ARID1B: variants seen among roughly 807,000 people sequenced by gnomAD.
ARID1B encodes AT-rich interaction domain 1B.
Under a neutral mutation model 212.3 loss-of-function variants are expected in ARID1B, and 30 were observed. The observed-to-expected ratio is 0.14, with a 90% CI of 0.11 to 0.19. ARID1B has a LOEUF of 0.19. Among genes scored for constraint, ARID1B ranks in the 10% least tolerant of loss-of-function variants. The pLI, the probability that ARID1B is intolerant of heterozygous loss-of-function variation, is 1.00. For synonymous variants in ARID1B, 1,402 were observed against 1,301.7 expected, an observed-to-expected ratio of 1.08 and a Z score of -1.66; for missense variants, 2,891 against 3,204.0, an observed-to-expected ratio of 0.90 and a Z score of 2.36.
intron 4 of ARID1B, among the ~76,000 whole-genome samples, chr6:156,944,925 C>CTTT (rs543626936): frequency 7.4e-6 from 1 of 135,372 alleles, no homozygotes; most frequent in African/African-American, 2.8e-5. Context: ...TTTTCTTTTC[C>CTTT]TTTTTTTTTT....
At chr6:157,100,633 A>G (rs1785992335) in intron 5 of ARID1B, among the ~76,000 whole-genome samples, 1 of 152,194 alleles carries the variant, frequency 6.6e-6, no homozygotes, top group South Asian at 2.1e-4. Context: ...TCAAAAATGT[A>G]TTTTTCATTT....
At chr6:156,830,698 T>C (rs1186674938) in intron 2 of ARID1B, among the ~76,000 whole-genome samples, 1 of 151,792 alleles carries the variant, frequency 6.6e-6, no homozygotes, top group Non-Finnish European at 1.5e-5. Context: ...GAGGCTGAAG[T>C]GGGAGGATCG....
At chr6:157,060,696 C>G (rs1456598761) in intron 4 of ARID1B, among the ~76,000 whole-genome samples, 1 of 140,188 alleles carries the variant, frequency 7.1e-6, no homozygotes, top group African/African-American at 2.7e-5. Context: ...AGAGCCCGAC[C>G]ATGCTGTCTT....
At chr6:156,984,178 T>G (rs532495804) in intron 4 of ARID1B, among the ~76,000 whole-genome samples, 2 of 152,206 alleles carry the variant, frequency 1.3e-5, no homozygotes, top group African/African-American at 4.8e-5. Context: ...AGGACAAACC[T>G]TGGAGATGGG....
At chr6:156,780,880 A>G (rs1779210004) in intron 1 of ARID1B, among the ~76,000 whole-genome samples, 1 of 152,236 alleles carries the variant, frequency 6.6e-6, no homozygotes, top group African/African-American at 2.4e-5. Context: ...GTAAACCACG[A>G]ATTTTACCAA....
At chr6:157,073,925 C>T (rs1260229535) in intron 4 of ARID1B, among the ~76,000 whole-genome samples, 4 of 152,196 alleles carry the variant, frequency 2.6e-5, no homozygotes, top group African/African-American at 7.2e-5. Context: ...CCACATGCTA[C>T]ACACACAAGT....
At chr6:156,996,537 C>T (rs1778602169) in intron 4 of ARID1B, among the ~76,000 whole-genome samples, 3 of 152,198 alleles carry the variant, frequency 2.0e-5, no homozygotes, top group East Asian at 3.9e-4. Context: ...TATATACCCT[C>T]AATGCATTGT....
At chr6:157,177,535 T>C (rs1562325766) in intron 11 of ARID1B, among the ~76,000 whole-genome samples, 3 of 152,192 alleles carry the variant, frequency 2.0e-5, no homozygotes, top group Non-Finnish European at 2.9e-5. Flanking sequence ...TGGACCAACA[T>C]TGTTTTGTTA....
intron 4 of ARID1B, among the ~76,000 whole-genome samples, chr6:157,082,013 C>T (rs1398163240): frequency 6.6e-6 from 1 of 151,980 alleles, no homozygotes; most frequent in Non-Finnish European, 1.5e-5. Context: ...TGGTCATTGC[C>T]GTGTGGTGGG....
At chr6:156,949,771 A>G (rs1485646525) in intron 4 of ARID1B, among the ~76,000 whole-genome samples, 2 of 152,224 alleles carry the variant, frequency 1.3e-5, no homozygotes. Context: ...TACCCTGCAC[A>G]GAAGAACATA....
At chr6:157,012,693 C>T (rs180872076) in intron 4 of ARID1B, among the ~76,000 whole-genome samples, 2 of 152,332 alleles carry the variant, frequency 1.3e-5, no homozygotes, top group Admixed American at 1.3e-4. Flanking sequence ...GTCATTTATC[C>T]TATTTGGCTT....
chr6:157,088,159 T>C (rs1785066708), intron 5 of ARID1B, among the ~76,000 whole-genome samples: 1 of 152,216 alleles, frequency 6.6e-6, no homozygotes, highest in African/African-American at 2.4e-5. Flanking sequence ...CAGGTGCTCA[T>C]TGCACAGGGT....
chr6:156,935,382 G>C, intron 3 of ARID1B, 84 bp from the exon 4 acceptor site: 3 of 1,219,720 alleles, frequency 2.5e-6, no homozygotes, highest in Middle Eastern at 2.0e-4. Flanking sequence ...GCCCAGCCAA[G>C]CTTTTGTTTA....
At chr6:157,164,537 A>T (rs1791186173) in intron 8 of ARID1B, 1 of 152,208 alleles carries the variant, frequency 6.6e-6, no homozygotes, top group South Asian at 2.1e-4. Flanking sequence ...ACGGAATTTA[A>T]TGGAAGCTTG....
In ARID1B at chr6:157,201,487, C is replaced by G. The variant is rs550054527; in HGVS notation, c.5262C>G (p.Ile1754Met). The G allele has an allele frequency of 2.0e-6, 3 of 1,492,118 alleles. No homozygotes were observed. Among genetic ancestry groups the G allele is most frequent in the South Asian group, 1.4e-5 (1 of 70,794 alleles). 92.4% of individuals were successfully genotyped at this position (1,492,118 alleles called of 1,614,324 possible). A position where few individuals can be genotyped will look rare whatever the true frequency, so the allele number is the denominator to read the frequency against. Residue 1754 changes from isoleucine (I) to methionine (M), a missense_variant and splice_region_variant, in exon 18 of 20, where the codon ATC becomes ATG. Ile to Met is a conservative substitution (Grantham distance 10). This residue lies in a region of ARID1B where 666 missense variants were observed against 873.5 expected (regional missense o/e 0.76). Transcript: ENST00000636930. The surrounding 1 kb of genome is among the most constrained non-coding windows in gnomAD (Gnocchi z 5.2). ...KQRRKITSKDIVTPEAWRVMM... is the reference protein window; with the variant it reads ...KQRRKITSKDMVTPEAWRVMM... ...GGCGAAAGATTACCTCCAAAGATAT[C>G]GGTAAGAATTCCAAAGCTTTCATTC...
At chr6:156,838,709 T>TATAATAATAATAATAATA (rs35310749) in intron 2 of ARID1B, among the ~76,000 whole-genome samples, 5,157 of 145,752 alleles carry the variant, frequency 0.035, 123 homozygotes, top group South Asian at 0.081. Context: ...GAACTTAAAG[T>TATAATAATAATAATAATA]ATAATAATAA....
At chr6:156,956,605 C>T (rs1051174037) in intron 4 of ARID1B, among the ~76,000 whole-genome samples, 8 of 152,094 alleles carry the variant, frequency 5.3e-5, no homozygotes, top group Non-Finnish European at 1.2e-4. Context: ...GCTTCTTAGT[C>T]CACTGATATC....
Position 156,852,023 on chromosome 6 carries a change from G to A in ARID1B, c.1986+22602G>A, listed in dbSNP as rs201810205. Among the ~76,000 whole-genome samples the A allele has an allele frequency of 7.2e-5, 11 of 152,188 alleles. No individual in the cohort carries two copies. In the East Asian group the frequency reaches 1.9e-3, roughly 27 times the overall value. On this transcript the variant is annotated intron_variant, in intron 2 of 19. Coordinates refer to ENST00000636930, the MANE Select transcript of ARID1B (RefSeq NM_001374828.1). Reference sequence around the variant, plus strand: ...ACTTACATATTTCCTTCCTAACTGGGTAAAGTTATATTTCTATTCTTTACC... The same window carrying A: ...ACTTACATATTTCCTTCCTAACTGGATAAAGTTATATTTCTATTCTTTACC...
intron 4 of ARID1B, among the ~76,000 whole-genome samples, chr6:157,058,266 C>CTTTT (rs767176770): frequency 7.3e-6 from 1 of 137,414 alleles, no homozygotes; most frequent in African/African-American, 2.8e-5. Flanking sequence ...TTATCTTGGT[C>CTTTT]TTTTTTTTTT....
Sources: allele counts gnomAD v4.1 joint callset (sites outside exome capture counted in the v4.1 genomes callset), GRCh38; gene constraint gnomAD v4.1.1; regional missense constraint gnomAD v4.1.1; non-coding constraint Gnocchi (gnomAD v3.1); transcripts MANE v1.5; gene names NCBI Gene and HGNC (gene_info 2026-07-23, HGNC 2026-07-21).